Variants in VIT observed in about 807,000 individuals in gnomAD.
VIT encodes the protein vitrin.
VIT carries 99 observed loss-of-function variants against 78.0 expected under a neutral mutation model. The observed-to-expected ratio is 1.27, with a 90% CI of 1.08 to 1.50. The LOEUF is 1.50. Among genes scored for constraint, VIT ranks in the 40% most tolerant of loss-of-function variants. The pLI is 0.00. For missense variants in VIT, 1,126 were observed against 875.3 expected (o/e 1.29, Z -3.61); for synonymous variants, 374 against 334.3 (o/e 1.12, Z -1.29).
At chr2:36,726,669 A>G (rs918323249) in intron 2 of VIT, among the ~76,000 whole-genome samples, 12 of 152,080 alleles carry the variant, frequency 7.9e-5, no homozygotes, top group Non-Finnish European at 1.8e-4. Context: ...AAATACAAAA[A>G]TTAGCCAGGT....
chr2:36,731,272 A>T (rs971251085), intron 3 of VIT, among the ~76,000 whole-genome samples: 11 of 151,898 alleles, frequency 7.2e-5, no homozygotes, highest in Non-Finnish European at 1.3e-4. Flanking sequence ...CTTCATTTTT[A>T]TTTTATTTTA....
At chr2:36,706,049 T>G (rs1413960809) in intron 1 of VIT, among the ~76,000 whole-genome samples, 1 of 152,204 alleles carries the variant, frequency 6.6e-6, no homozygotes, top group Non-Finnish European at 1.5e-5. Context: ...CATAAATATA[T>G]GAGGAAACTC....
At position 36,814,514 on chromosome 2, in the gene VIT, T is replaced by C. The variant is rs1349204455; in HGVS notation, c.*153T>C. ...TATTATTCTTTGCCATCATGCTTTT[T>C]CATATTCCAAAACTTGGAGTTACAA... On this transcript the variant is annotated 3_prime_UTR_variant, in exon 16 of 16. Transcript: ENST00000379242. 3 of 1,000,408 alleles carry C rather than the reference T, an allele frequency of 3.0e-6. No individual in the cohort carries two copies. The African/African-American group carries it at 4.9e-5, about 16-fold the overall frequency. The allele number at this position is 1,000,408 out of a possible 1,614,324, so 62.0% of individuals were successfully genotyped here.
intron 1 of VIT, among the ~76,000 whole-genome samples, chr2:36,710,159 A>C (rs1191251199): frequency 6.6e-6 from 1 of 152,238 alleles, no homozygotes; most frequent in East Asian, 1.9e-4. Flanking sequence ...TGGAAGTGAT[A>C]ATGATAACAA....
At chr2:36,773,453 A>G (rs538429953) in intron 7 of VIT, among the ~76,000 whole-genome samples, 1 of 152,262 alleles carries the variant, frequency 6.6e-6, no homozygotes, top group African/African-American at 2.4e-5. Context: ...CAGTCAGGTT[A>G]AAATTTATTG....
chr2:36,729,619 GATTA>G (rs1667072824), intron 3 of VIT, 128 bp downstream of exon 3: 13 of 897,086 alleles, frequency 1.4e-5, no homozygotes, highest in Middle Eastern at 2.7e-4. Flanking sequence ...TTTCCACTCA[GATTA>G]ATTAGTGATA....
At chr2:36,799,944 A>G (rs1666194547) in intron 12 of VIT, among the ~76,000 whole-genome samples, 1 of 151,666 alleles carries the variant, frequency 6.6e-6, no homozygotes, top group African/African-American at 2.4e-5. Context: ...GCTACTTGGG[A>G]GACTGAGGCA....
intron 15 of VIT, among the ~76,000 whole-genome samples, chr2:36,810,587 C>G (rs887060581): frequency 6.6e-6 from 1 of 151,946 alleles, no homozygotes; most frequent in South Asian, 2.1e-4. Context: ...TGAATATACA[C>G]AACTCACTCA....
chr2:36,801,342 A>G lies in VIT; in HGVS notation c.1100A>G (p.Asn367Ser). Residue 367 changes from asparagine (N) to serine (S), a missense_variant, in exon 13 of 16, where the codon AAT becomes AGT. By Grantham distance (46) the Asn-to-Ser change is conservative. Coordinates refer to ENST00000379242, the MANE Select transcript of VIT (RefSeq NM_053276.4). ...ATHFNLKTHT[N>S]SRDLKTAIEK... ...CACTTTAACCTCAAGACACACACGA[A>G]TTCTCGAGATCTGAAGACAGCCATA... 6.2e-7 allele frequency: 1 copy of G among 1,614,132 alleles called. No individual in the cohort carries two copies. The highest frequency in any genetic ancestry group is 8.5e-7 in the Non-Finnish European group (1 of 1,180,038).
At chr2:36,752,796 T>C (rs1041638024) in intron 4 of VIT, among the ~76,000 whole-genome samples, 3 of 152,238 alleles carry the variant, frequency 2.0e-5, no homozygotes, top group African/African-American at 7.2e-5. Flanking sequence ...GAAAACAGTG[T>C]GGCAATCCTT....
chr2:36,744,317 A>G (rs566356360), intron 4 of VIT, among the ~76,000 whole-genome samples: 2 of 152,248 alleles, frequency 1.3e-5, no homozygotes, highest in South Asian at 2.1e-4. Context: ...TCCTTTTGGT[A>G]TATACCCAGC....
chr2:36,779,838 T>C (rs1311842602), intron 9 of VIT, among the ~76,000 whole-genome samples: 1 of 152,162 alleles, frequency 6.6e-6, no homozygotes, highest in Non-Finnish European at 1.5e-5. Context: ...CTCAGAGTGA[T>C]TTTATACACA....
intron 6 of VIT, among the ~76,000 whole-genome samples, chr2:36,766,393 A>T (rs1013860757): frequency 2.6e-5 from 4 of 152,096 alleles, no homozygotes; most frequent in African/African-American, 7.2e-5. Flanking sequence ...TTAGGCAGGT[A>T]TGGTGTCTTG....
rs771910104 is a variant in VIT at position 36,754,975 on chromosome 2, G to T, written c.330G>T (p.Gln110His). The change falls in exon 5 of 16, where the codon CAG becomes CAT. Residue 110 changes from glutamine (Q) to histidine (H), a missense_variant. By Grantham distance (24) the Gln-to-His change is conservative (BLOSUM62 0). Transcript: ENST00000379242. Reference protein sequence around the residue: ...GKILVRKVAGQSGYKGSYSNG... With the variant: ...GKILVRKVAGHSGYKGSYSNG... ...TACTTGTTCGGAAGGTTGCTGGACA[G>T]TCTGGTTACAAAGGGAGTTATTCCA... is the stretch of plus-strand genomic sequence containing the variant. 138 of 1,614,200 alleles carry T rather than the reference G, an allele frequency of 8.5e-5. No individual in the cohort carries two copies. The East Asian group carries it at 1.3e-3, about 16-fold the overall frequency.
chr2:36,794,634 T>C (rs751910340), intron 12 of VIT, among the ~76,000 whole-genome samples: 3 of 152,230 alleles, frequency 2.0e-5, no homozygotes, highest in Non-Finnish European at 2.9e-5. Context: ...TTGTGGAGGA[T>C]CTGATGAAAA....
At chr2:36,803,124 C>T (rs777954853) in intron 13 of VIT, among the ~76,000 whole-genome samples, 6 of 152,226 alleles carry the variant, frequency 3.9e-5, no homozygotes, top group Admixed American at 1.3e-4. Context: ...GTGCCATTCA[C>T]ACCCACAACA....
intron 4 of VIT, among the ~76,000 whole-genome samples, chr2:36,745,847 T>C (rs1419302484): frequency 6.6e-6 from 1 of 152,150 alleles, no homozygotes; most frequent in African/African-American, 2.4e-5. Context: ...CTATGTGAAA[T>C]AGGAGTGGTG....
intron 12 of VIT, among the ~76,000 whole-genome samples, chr2:36,789,884 C>G (rs11692052): frequency 0.75 from 113,892 of 152,012 alleles, 42,974 homozygotes; most frequent in East Asian, 0.99. Flanking sequence ...AGTTGAGAAG[C>G]ACCTGGCCAA....
intron 2 of VIT, among the ~76,000 whole-genome samples, chr2:36,717,342 G>A (rs1243592323): frequency 2.0e-4 from 12 of 60,624 alleles, no homozygotes; most frequent in East Asian, 1.0e-3. Flanking sequence ...TAATGTGTGT[G>A]TGTGTGTGTG....
Sources: allele counts gnomAD v4.1 joint callset (sites outside exome capture counted in the v4.1 genomes callset), GRCh38; gene constraint gnomAD v4.1.1; transcripts MANE v1.5; gene names NCBI Gene and HGNC (gene_info 2026-07-23, HGNC 2026-07-21).